The following DIP2C variants were observed in gnomAD, a reference collection of about 807,000 sequenced individuals.
DIP2C encodes the protein DIP2 acetate--CoA ligase C (putative), also known as disco-interacting protein 2 homolog C.
Under a neutral mutation model 192.4 loss-of-function variants are expected in DIP2C, and 33 were observed. The observed-to-expected ratio is 0.17, with a 90% CI of 0.13 to 0.23. The LOEUF is 0.23. Ranked by LOEUF, DIP2C falls within the 10% of genes least tolerant of loss-of-function variation. The probability of loss-of-function intolerance (pLI) is 1.00; values close to 1 mark genes in which losing one functional copy is unlikely to be tolerated. For missense variants in DIP2C, 1,537 were observed against 2,110.1 expected (o/e 0.73, Z 5.32); for synonymous variants, 979 against 864.1 (o/e 1.13, Z -2.33).
intron 9 of DIP2C, among the ~76,000 whole-genome samples, chr10:400,492 C>T (rs1453536642): frequency 2.6e-5 from 4 of 152,260 alleles, no homozygotes; most frequent in Admixed American, 6.5e-5. Context: ...GTAGCATTAG[C>T]GTTACTCTTC....
chr10:346,739 A>G (rs1161480385), intron 26 of DIP2C, among the ~76,000 whole-genome samples: 9 of 114,510 alleles, frequency 7.9e-5, no homozygotes, highest in Non-Finnish European at 1.3e-4. Context: ...ACACACACCC[A>G]GACACATCAC....
chr10:635,596 C>T (rs924423314), intron 1 of DIP2C, among the ~76,000 whole-genome samples: 5 of 152,226 alleles, frequency 3.3e-5, no homozygotes, highest in East Asian at 1.9e-4. Flanking sequence ...GCTGCAGCTG[C>T]GGGGAAGCAG....
chr10:592,944 G>A (rs965799820), intron 1 of DIP2C, among the ~76,000 whole-genome samples: 1 of 152,128 alleles, frequency 6.6e-6, no homozygotes, highest in Non-Finnish European at 1.5e-5. Flanking sequence ...TTAAACACGA[G>A]GTCACTGTTA....
intron 1 of DIP2C, chr10:650,792 C>G (rs1445004894): frequency 4.4e-6 from 3 of 678,932 alleles, no homozygotes; most frequent in South Asian, 3.3e-5. Context: ...AACCAGAATC[C>G]TGGCTGATCC....
chr10:624,878 G>T (rs374898649), intron 1 of DIP2C, among the ~76,000 whole-genome samples: 9 of 152,184 alleles, frequency 5.9e-5, no homozygotes, highest in South Asian at 2.1e-4. Context: ...GAGAACCCGG[G>T]GGGGGAGCCG....
chr10:555,200 TTTC>T (rs200032832), intron 1 of DIP2C, among the ~76,000 whole-genome samples: 3,326 of 133,796 alleles, frequency 0.025, 127 homozygotes, highest in African/African-American at 0.12. Flanking sequence ...ATTTTTTTTT[TTTC>T]CCAAGCCATT....
At chr10:424,352 TG>T (rs1449406923) in intron 4 of DIP2C, among the ~76,000 whole-genome samples, 20 of 135,272 alleles carry the variant, frequency 1.5e-4, no homozygotes, top group African/African-American at 3.4e-4. Flanking sequence ...TCTATCACCT[TG>T]GGTTTTTTTT....
chr10:509,486 G>A (rs1845862152), intron 1 of DIP2C, among the ~76,000 whole-genome samples: 1 of 152,146 alleles, frequency 6.6e-6, no homozygotes, highest in African/African-American at 2.4e-5. Context: ...ACACCCCAAA[G>A]ACAGACTACG....
intron 1 of DIP2C, among the ~76,000 whole-genome samples, chr10:590,045 T>C (rs1851311023): frequency 6.6e-6 from 1 of 152,142 alleles, no homozygotes; most frequent in Non-Finnish European, 1.5e-5. Flanking sequence ...GTAGGAGTGG[T>C]TTCCACATCA....
At chr10:288,525 G>C in intron 32 of DIP2C, 104 bp from the exon 33 acceptor site, 1 of 1,202,642 alleles carries the variant, frequency 8.3e-7, no homozygotes, top group Non-Finnish European at 1.2e-6. Flanking sequence ...CGGGAAAGCT[G>C]ATTCTGAGCA....
intron 1 of DIP2C, among the ~76,000 whole-genome samples, chr10:581,930 T>C (rs560728069): frequency 6.6e-6 from 1 of 152,250 alleles, no homozygotes; most frequent in Non-Finnish European, 1.5e-5. Context: ...ACAATTTTTC[T>C]GGGGGGTGGT....
chr10:439,406 G>A (rs531067826), intron 4 of DIP2C, among the ~76,000 whole-genome samples: 5 of 124,446 alleles, frequency 4.0e-5, no homozygotes, highest in East Asian at 4.1e-4. Context: ...CGAAGATCAC[G>A]CATGTGTAAA....
chr10:617,131 G>A (rs1203687942), intron 1 of DIP2C, among the ~76,000 whole-genome samples: 1 of 152,040 alleles, frequency 6.6e-6, no homozygotes, highest in African/African-American at 2.4e-5. Context: ...GACCTCCCAG[G>A]CACTGCCTCT....
chr10:650,436 A>T (rs540953472), intron 1 of DIP2C: 5 of 711,310 alleles, frequency 7.0e-6, no homozygotes, highest in Non-Finnish European at 1.3e-5. Context: ...CAACATCTTC[A>T]TCTATGGTAG....
At chr10:333,276 C>T (rs1272422146) in intron 29 of DIP2C, among the ~76,000 whole-genome samples, 1 of 152,206 alleles carries the variant, frequency 6.6e-6, no homozygotes, top group Non-Finnish European at 1.5e-5. Flanking sequence ...ATTTTAAGCA[C>T]AGAATGGCTT....
intron 1 of DIP2C, among the ~76,000 whole-genome samples, chr10:521,194 A>T (rs1162913746): frequency 6.6e-6 from 1 of 152,218 alleles, no homozygotes; most frequent in African/African-American, 2.4e-5. Flanking sequence ...TTTTAAGCAG[A>T]TCAAGCATCA....
At chr10:337,240 T>A (rs1421489788) in intron 29 of DIP2C, among the ~76,000 whole-genome samples, 3 of 149,246 alleles carry the variant, frequency 2.0e-5, no homozygotes, top group African/African-American at 7.4e-5. Flanking sequence ...CCTAGGCCGG[T>A]GTGTGTGTGT....
At chr10:569,266 T>C (rs950002528) in intron 1 of DIP2C, among the ~76,000 whole-genome samples, 1 of 152,214 alleles carries the variant, frequency 6.6e-6, no homozygotes, top group African/African-American at 2.4e-5. Flanking sequence ...ACAAAGTGTT[T>C]CTATAAAATA....
intron 1 of DIP2C, among the ~76,000 whole-genome samples, chr10:572,821 T>TC (rs1849909985): frequency 1.3e-5 from 2 of 152,016 alleles, no homozygotes; most frequent in South Asian, 2.1e-4. Context: ...TCAGTCTCCC[T>TC]CCCCTCAAAG....
Sources: allele counts gnomAD v4.1 joint callset (sites outside exome capture counted in the v4.1 genomes callset), GRCh38; gene constraint gnomAD v4.1.1; transcripts MANE v1.5; gene names NCBI Gene and HGNC (gene_info 2026-07-23, HGNC 2026-07-21).